The following RARS2 variants were observed in gnomAD, a reference collection of about 807,000 sequenced individuals.
The protein encoded by RARS2 is arginyl-tRNA synthetase 2, mitochondrial.
A neutral mutation model predicts 88.5 loss-of-function variants in RARS2; 67 were observed. The ratio of observed to expected loss-of-function variants is 0.76; its 90% CI spans 0.62 to 0.93. The LOEUF (loss-of-function observed/expected upper bound fraction) is 0.93, where lower values mean the gene tolerates loss of function less well. RARS2 is among the 40% of genes least tolerant of loss of function. RARS2 has a pLI of 0.00. For missense variants in RARS2, 664 were observed against 684.2 expected, an observed-to-expected ratio of 0.97 and a Z score of 0.33; for synonymous variants, 239 against 230.3, an observed-to-expected ratio of 1.04 and a Z score of -0.34.
rs568483789 is a variant in RARS2 at position 87,564,136 on chromosome 6, T to C, written c.207A>G (p.Ala69=). 1.9e-4 allele frequency: 301 copies of C among 1,602,934 alleles called. 1 individual carries two copies. Among genetic ancestry groups the C allele is most frequent in the Non-Finnish European group, 2.0e-4 (237 of 1,169,914 alleles). ...GATAATAGTGCTAACGTACCTTCTC[T>C]GCTAGTCTCTTGGCTTGAACTTGAA... ...PDIQVQAKRL[A]EKLRCDTVVS... The change falls in exon 3 of 20, where the codon GCA becomes GCG. Residue 69 remains alanine, a synonymous_variant. Coordinates refer to ENST00000369536, the MANE Select transcript of RARS2 (RefSeq NM_020320.5).
rs571901498 is a variant in RARS2 at position 87,554,294 on chromosome 6, G to T, written c.395+1114C>A. Among the ~76,000 whole-genome samples the T allele has an allele frequency of 2.0e-5, 3 of 152,022 alleles. No homozygotes were observed. In the South Asian group the frequency reaches 6.2e-4, roughly 32 times the overall value. ...TCTTAGTGTTCCCTTTTCTCTCTTG[G>T]TTACCTCTAACAGTCCAAATATCAG... On this transcript the variant is annotated intron_variant, in intron 5 of 19. Coordinates refer to ENST00000369536, the MANE Select transcript of RARS2 (RefSeq NM_020320.5).
chr6:87,583,727 A>T (rs897057210), intron 1 of RARS2, among the ~76,000 whole-genome samples: 6 of 152,232 alleles, frequency 3.9e-5, no homozygotes, highest in Non-Finnish European at 7.3e-5. Flanking sequence ...ATTTAACTCT[A>T]CATATAGAAT....
intron 1 of RARS2, among the ~76,000 whole-genome samples, chr6:87,578,193 A>G (rs1248180314): frequency 6.6e-6 from 1 of 151,998 alleles, no homozygotes; most frequent in African/African-American, 2.4e-5. Context: ...GAATAATAGT[A>G]CTATTTTACT....
intron 8 of RARS2, among the ~76,000 whole-genome samples, chr6:87,531,202 C>T (rs1438150357): frequency 6.6e-6 from 1 of 151,948 alleles, no homozygotes; most frequent in Non-Finnish European, 1.5e-5. Context: ...AACCAAATAG[C>T]CAAAAATTAA....
intron 1 of RARS2, chr6:87,589,696 G>A (rs1776412309): frequency 1.0e-6 from 1 of 985,250 alleles, no homozygotes; most frequent in South Asian, 4.7e-5. Flanking sequence ...GAAAGCACCA[G>A]GTACCTTTCA....
chr6:87,526,046 T>C (rs1022317412), intron 10 of RARS2, among the ~76,000 whole-genome samples: 6 of 152,222 alleles, frequency 3.9e-5, no homozygotes, highest in Non-Finnish European at 8.8e-5. Flanking sequence ...CCTGTATTAA[T>C]GGATTGGAAA....
intron 3 of RARS2, among the ~76,000 whole-genome samples, chr6:87,563,012 T>C (rs1788334677): frequency 6.6e-6 from 1 of 152,100 alleles, no homozygotes; most frequent in African/African-American, 2.4e-5. Flanking sequence ...AGTCTCTCTC[T>C]TCCTCATTCT....
intron 6 of RARS2, among the ~76,000 whole-genome samples, chr6:87,546,894 C>G (rs1782766572): frequency 6.6e-6 from 1 of 152,180 alleles, no homozygotes; most frequent in African/African-American, 2.4e-5. Flanking sequence ...TTCCAGCTGG[C>G]ACACAGATGG....
intron 18 of RARS2, 128 bp from the exon 19 acceptor site, chr6:87,515,148 T>C (rs747311417): frequency 1.0e-4 from 82 of 787,446 alleles, no homozygotes; most frequent in Non-Finnish European, 1.7e-4. Context: ...GTATTCAAAA[T>C]TGTGAAGTTG....
chr6:87,576,981 G>C (rs751268849), intron 1 of RARS2, among the ~76,000 whole-genome samples: 7 of 152,158 alleles, frequency 4.6e-5, no homozygotes, highest in East Asian at 3.8e-4. Flanking sequence ...AGATTCATTC[G>C]ATAAAGAAGT....
At chr6:87,554,425 A>G (rs769463109) in intron 5 of RARS2, among the ~76,000 whole-genome samples, 4 of 152,348 alleles carry the variant, frequency 2.6e-5, no homozygotes, top group Non-Finnish European at 4.4e-5. Flanking sequence ...TATTACAAAT[A>G]CTAAAAGACT....
rs552820007 is a variant in RARS2 at position 87,570,066 on chromosome 6, C to G, written c.37-476G>C. On this transcript the variant is annotated intron_variant, in intron 1 of 19. Transcript: ENST00000369536. ...AGACAAAAAACAAAACAAAACAAAA[C>G]AAAACCTCATGGCATTTACAAATAA... Among the ~76,000 whole-genome samples, 18 of 152,008 alleles carry G rather than the reference C, an allele frequency of 1.2e-4. No individual in the cohort carries two copies. In the South Asian group the frequency reaches 3.7e-3, roughly 32 times the overall value.
chr6:87,531,371 T>C (rs934802478), intron 8 of RARS2, among the ~76,000 whole-genome samples: 1 of 152,216 alleles, frequency 6.6e-6, no homozygotes, highest in Non-Finnish European at 1.5e-5. Context: ...CAAAATGCCA[T>C]ATTATTATCC....
chr6:87,588,575 AT>A (rs1775901384), intron 1 of RARS2, among the ~76,000 whole-genome samples: 1 of 152,034 alleles, frequency 6.6e-6, no homozygotes, highest in South Asian at 2.1e-4. Flanking sequence ...GGGTCTACCT[AT>A]GTTGTCCACG....
Position 87,529,898 on chromosome 6 carries a change from TA to T in RARS2, c.772-251del, listed in dbSNP as rs11366765. On this transcript the variant is annotated intron_variant, in intron 9 of 19. Coordinates refer to ENST00000369536, the MANE Select transcript of RARS2 (RefSeq NM_020320.5). The stretch of plus-strand genomic sequence containing the variant: ...TGGCGAGGACCTCATTATTTTTGTT[TA>T]AAAAAAAAAAAAAATCACTCCTCTT... 0.23 allele frequency among the ~76,000 whole-genome samples: 33,482 copies of T among 144,360 alleles called. 3,863 individuals carry two copies. The highest frequency in any genetic ancestry group is 0.32 in the African/African-American group (12,871 of 39,708). The allele number at this position is 144,360 out of a possible 152,430, so 94.7% of individuals were successfully genotyped here.
intron 10 of RARS2, 136 bp downstream of exon 10, chr6:87,529,406 C>A: frequency 1.5e-6 from 1 of 683,136 alleles, no homozygotes; most frequent in Non-Finnish European, 2.6e-6. Context: ...TGGGAAAGTA[C>A]TCTGAACAGG....
chr6:87,521,658 A>T, intron 11 of RARS2, 134 bp from the exon 12 acceptor site: 3 of 662,046 alleles, frequency 4.5e-6, no homozygotes, highest in Non-Finnish European at 8.2e-6. Context: ...TTCCACCCAC[A>T]CTTAGATAAT....
intron 1 of RARS2, among the ~76,000 whole-genome samples, chr6:87,571,607 TG>T (rs1430223423): frequency 1.3e-5 from 2 of 152,122 alleles, no homozygotes; most frequent in Admixed American, 1.3e-4. Context: ...AAGGGAATGA[TG>T]GGGGAAACAG....
intron 3 of RARS2, among the ~76,000 whole-genome samples, chr6:87,563,675 AGAAAT>A (rs1788562206): frequency 6.6e-6 from 1 of 152,242 alleles, no homozygotes; most frequent in South Asian, 2.1e-4. Flanking sequence ...CAGAGAACTT[AGAAAT>A]GAAAGAGGCT....
Sources: allele counts gnomAD v4.1 joint callset (sites outside exome capture counted in the v4.1 genomes callset), GRCh38; gene constraint gnomAD v4.1.1; transcripts MANE v1.5; gene names NCBI Gene and HGNC (gene_info 2026-07-23, HGNC 2026-07-21).